The following CAPG variants were observed in gnomAD, a reference collection of about 807,000 sequenced individuals.
The protein encoded by CAPG is capping actin protein, gelsolin like.
In CAPG, 32 loss-of-function variants were observed where a neutral mutation model predicts 44.6. The observed-to-expected ratio is 0.72, with a 90% CI of 0.54 to 0.96. The LOEUF (loss-of-function observed/expected upper bound fraction) is 0.96, where lower values mean the gene tolerates loss of function less well. CAPG is among the 50% of genes least tolerant of loss of function. CAPG has a pLI of 0.00. For synonymous variants in CAPG, 175 were observed against 179.6 expected, an observed-to-expected ratio of 0.97 and a Z score of 0.20; for missense variants, 412 against 438.3, an observed-to-expected ratio of 0.94 and a Z score of 0.54.
chr2:85,396,801 T>C (rs1024074461), intron 8 of CAPG, among the ~76,000 whole-genome samples: 1 of 152,114 alleles, frequency 6.6e-6, no homozygotes, highest in Non-Finnish European at 1.5e-5. Context: ...TTCACTTCTA[T>C]CCCTGCTGAG....
chr2:85,399,073 C>T, intron 6 of CAPG, 63 bp downstream of exon 6: 1 of 1,571,838 alleles, frequency 6.4e-7, no homozygotes, highest in Non-Finnish European at 8.7e-7. Context: ...CTCAGCTCAT[C>T]ACCACCTCTC....
chr2:85,397,916 G>T, intron 8 of CAPG, 104 bp downstream of exon 8: 1 of 1,181,924 alleles, frequency 8.5e-7, no homozygotes, highest in Non-Finnish European at 1.2e-6. Flanking sequence ...GCTTCCTGAG[G>T]CTGTCTTTTA....
chr2:85,399,529 C>T (rs188816236), intron 5 of CAPG, among the ~76,000 whole-genome samples: 8 of 152,302 alleles, frequency 5.3e-5, no homozygotes, highest in African/African-American at 1.9e-4. Flanking sequence ...CTCACTCTGT[C>T]ATCCAGGCTG....
Position 85,398,156 on chromosome 2 carries a change from G to A in CAPG, c.760-4C>T, listed in dbSNP as rs375930004. On this transcript the variant is annotated splice_polypyrimidine_tract_variant and splice_region_variant and intron_variant, in intron 7 of 9. Transcript: ENST00000263867. Reference sequence around the variant, plus strand: ...TCTGTCCAGTGGCATCAGAGACCTGGGGAGGAGGGACAGTGCCTGATCTCA... The same window carrying A: ...TCTGTCCAGTGGCATCAGAGACCTGAGGAGGAGGGACAGTGCCTGATCTCA... The A allele has an allele frequency of 2.1e-5, 34 of 1,612,720 alleles. No individual in the cohort carries two copies. Among genetic ancestry groups the A allele is most frequent in the Non-Finnish European group, 2.8e-5 (33 of 1,179,714 alleles).
chr2:85,400,111 T>C (rs1318468923), intron 5 of CAPG, among the ~76,000 whole-genome samples: 1 of 152,200 alleles, frequency 6.6e-6, no homozygotes. Flanking sequence ...CTCCACCTAC[T>C]AGAAAGTGAG....
upstream of CAPG, among the ~76,000 whole-genome samples, chr2:85,414,611 T>C (rs926683203): frequency 6.7e-6 from 1 of 149,766 alleles, no homozygotes; most frequent in Non-Finnish European, 1.5e-5. Context: ...TTTTTTTTTT[T>C]TGGAGAGACT....
chr2:85,419,395 G>T (rs1207699985), upstream of CAPG, among the ~76,000 whole-genome samples: 21 of 152,228 alleles, frequency 1.4e-4, no homozygotes, highest in South Asian at 3.1e-3. Flanking sequence ...AGGCGCTACA[G>T]AAGGGACTTA....
At chr2:85,411,071 G>C (rs559151892), upstream of CAPG, among the ~76,000 whole-genome samples, 2 of 152,138 alleles carry the variant, frequency 1.3e-5, no homozygotes, top group South Asian at 4.2e-4. Flanking sequence ...ACTCAGGCTG[G>C]TCTAGAACTC....
chr2:85,414,692 A>C (rs1687512793), upstream of CAPG, among the ~76,000 whole-genome samples: 1 of 151,618 alleles, frequency 6.6e-6, no homozygotes, highest in Non-Finnish European at 1.5e-5. Context: ...TTGGCCTCCC[A>C]AAGTGCTGGC....
At chr2:85,401,420 G>A in intron 4 of CAPG, 91 bp from the exon 5 acceptor site, 1 of 1,575,662 alleles carries the variant, frequency 6.3e-7, no homozygotes, top group Non-Finnish European at 8.7e-7. Flanking sequence ...GAAAGGTGGG[G>A]ACCCGGCTCC....
intron 5 of CAPG, among the ~76,000 whole-genome samples, chr2:85,399,977 G>A (rs371771714): frequency 6.6e-6 from 1 of 152,108 alleles, no homozygotes; most frequent in African/African-American, 2.4e-5. Context: ...CCGACCTCAG[G>A]TGATCTGCCC....
chr2:85,396,429 A>G (rs1399423392), intron 8 of CAPG, among the ~76,000 whole-genome samples: 3 of 152,106 alleles, frequency 2.0e-5, no homozygotes, highest in African/African-American at 4.8e-5. Flanking sequence ...TTCCAAGGAA[A>G]TGATACCGAA....
chr2:85,406,029 C>T (rs564869031), intron 1 of CAPG, among the ~76,000 whole-genome samples: 2 of 152,266 alleles, frequency 1.3e-5, no homozygotes, highest in South Asian at 2.1e-4. Flanking sequence ...AGGCCGGGTG[C>T]GGTGGCTCAC....
chr2:85,408,403 C>CG (rs1687271489), intron 1 of CAPG, among the ~76,000 whole-genome samples: 1 of 150,136 alleles, frequency 6.7e-6, no homozygotes, highest in African/African-American at 2.4e-5. Context: ...CTTCCAGGCC[C>CG]GTATCAAGCC....
At position 85,395,766 on chromosome 2, in the gene CAPG, C is replaced by T. The variant is rs374045670; in HGVS notation, c.893-140G>A. The T allele has an allele frequency of 1.9e-5, 12 of 631,708 alleles. No individual in the cohort carries two copies. Among genetic ancestry groups the T allele is most frequent in the Admixed American group, 7.6e-5 (3 of 39,670 alleles). The allele number at this position is 631,708 out of a possible 1,614,324, so 39.1% of individuals were successfully genotyped here. ...AATGGACCAGGGGTCCCAAGAATGC[C>T]GAGGGGCTCTTTGGAGATGTGGAGT... On this transcript the variant is annotated intron_variant, in intron 8 of 9. Transcript: ENST00000263867. The surrounding 1 kb of genome is among the most constrained non-coding windows in gnomAD (Gnocchi z 4.3).
Position 85,394,974 on chromosome 2 carries a change from G to C in CAPG, c.982-16C>G. The C allele has an allele frequency of 1.3e-6, 2 of 1,592,522 alleles. No homozygotes were observed. Among genetic ancestry groups the C allele is most frequent in the Non-Finnish European group, 1.7e-6 (2 of 1,160,418 alleles). ...GAATCTCCACCTGCAGGGACAGCGG[G>C]GGAGAAGTCTGGTTCACAAAGTTGC... is the stretch of plus-strand genomic sequence containing the variant. On this transcript the variant is annotated splice_polypyrimidine_tract_variant and intron_variant, in intron 9 of 9. Coordinates refer to ENST00000263867, the MANE Select transcript of CAPG (RefSeq NM_001747.4).
At chr2:85,408,229 C>A (rs1410372537) in intron 1 of CAPG, among the ~76,000 whole-genome samples, 1 of 151,990 alleles carries the variant, frequency 6.6e-6, no homozygotes, top group Non-Finnish European at 1.5e-5. Flanking sequence ...GTAGTCCCAG[C>A]TACTTAGGAG....
Position 85,401,969 on chromosome 2 carries a change from G to A in CAPG, c.24-12C>T, listed in dbSNP as rs745731344. 2 of 1,614,104 alleles carry A rather than the reference G, an allele frequency of 1.2e-6. No homozygotes were observed. Among genetic ancestry groups the A allele is most frequent in the Non-Finnish European group, 1.7e-6 (2 of 1,179,954 alleles). On this transcript the variant is annotated splice_polypyrimidine_tract_variant and intron_variant, in intron 2 of 9. Coordinates refer to ENST00000263867, the MANE Select transcript of CAPG (RefSeq NM_001747.4). ...GGAATGGAGAGCCACTGCGAGAAGA[G>A]AGAGGGTTGACAGCAGCCTGGACCC... is the stretch of plus-strand genomic sequence containing the variant.
chr2:85,406,882 G>C (rs991898840), intron 1 of CAPG, among the ~76,000 whole-genome samples: 1 of 151,284 alleles, frequency 6.6e-6, no homozygotes, highest in African/African-American at 2.4e-5. Context: ...AATCCTGTTA[G>C]CTCAGTCTAG....
Sources: gnomAD v4.1 joint callset for allele counts (sites outside exome capture counted in the v4.1 genomes callset) on GRCh38, gnomAD v4.1.1 for gene constraint, Gnocchi (gnomAD v3.1) non-coding constraint, MANE v1.5 for transcripts, NCBI Gene and HGNC (gene_info 2026-07-23, HGNC 2026-07-21) for gene names.